PREPL: variants seen among roughly 807,000 people sequenced by gnomAD.
PREPL encodes prolyl endopeptidase-like.
Under a neutral mutation model 70.6 loss-of-function variants are expected in PREPL, and 77 were observed. The ratio of observed to expected loss-of-function variants is 1.09; its 90% CI spans 0.91 to 1.32. The LOEUF is 1.32. Among genes scored for constraint, PREPL ranks in the 40% most tolerant of loss-of-function variants. The pLI is 0.00. For missense variants in PREPL, 1,002 were observed against 778.2 expected, an observed-to-expected ratio of 1.29 and a Z score of -3.42; for synonymous variants, 315 against 264.8, an observed-to-expected ratio of 1.19 and a Z score of -1.84.
chr2:44,352,785 AT>A (rs1182615071), intron 1 of PREPL, among the ~76,000 whole-genome samples: 3 of 152,244 alleles, frequency 2.0e-5, no homozygotes, highest in African/African-American at 7.2e-5. Flanking sequence ...AGTGAAAAAA[AT>A]AATAATAGAA....
chr2:44,326,097 G>C (rs1441471959), intron 10 of PREPL, among the ~76,000 whole-genome samples: 1 of 152,182 alleles, frequency 6.6e-6, no homozygotes, highest in African/African-American at 2.4e-5. Context: ...GTCACAGCGT[G>C]CTTTGCCTGG....
chr2:44,324,464 C>T (rs905094626), intron 10 of PREPL, among the ~76,000 whole-genome samples: 2 of 151,980 alleles, frequency 1.3e-5, no homozygotes, highest in African/African-American at 4.8e-5. Flanking sequence ...GTCTTTTTGA[C>T]CAGTTGGACA....
At chr2:44,330,114 T>G (rs1673943634) in intron 8 of PREPL, among the ~76,000 whole-genome samples, 1 of 152,232 alleles carries the variant, frequency 6.6e-6, no homozygotes, top group Admixed American at 6.5e-5. Flanking sequence ...TTTAGTAAGA[T>G]TCACTTTTAT....
chr2:44,359,760 C>T (rs778460533), intron 1 of PREPL: 1 of 1,357,816 alleles, frequency 7.4e-7, no homozygotes, highest in East Asian at 2.3e-5. Context: ...GCTGCCAGCA[C>T]ACGAATGATT....
Position 44,343,976 on chromosome 2 carries a change from G to A in PREPL, c.143-25C>T, listed in dbSNP as rs764223337. The A allele has an allele frequency of 2.5e-6, 4 of 1,605,858 alleles. No individual in the cohort carries two copies. The Admixed American group carries it at 5.1e-5, about 21-fold the overall frequency. On this transcript the variant is annotated intron_variant, in intron 3 of 13. Coordinates refer to ENST00000409411, the MANE Select transcript of PREPL (RefSeq NM_001171613.2). ...GCTGTATAAAGAAAAATACGAAAGT[G>A]ATAACTTCAAAGGATGTACTTTAAA... is the stretch of plus-strand genomic sequence containing the variant.
intron 1 of PREPL, among the ~76,000 whole-genome samples, chr2:44,355,805 G>C (rs1676980812): frequency 2.0e-5 from 3 of 149,730 alleles, no homozygotes; most frequent in Admixed American, 6.7e-5. Context: ...ATGAATATGA[G>C]ACTATTGCAG....
At chr2:44,326,649 T>TA (rs1360891509) in intron 10 of PREPL, 63 bp downstream of exon 10, 19 of 1,527,520 alleles carry the variant, frequency 1.2e-5, no homozygotes, top group Non-Finnish European at 1.5e-5. Flanking sequence ...ACATTTTTCT[T>TA]AGAGTAGCCT....
chr2:44,360,182 T>A (rs551722940), intron 1 of PREPL: 2 of 152,460 alleles, frequency 1.3e-5, no homozygotes, highest in Non-Finnish European at 2.9e-5. Context: ...TTGGTATATA[T>A]GTGGAAGATA....
intron 5 of PREPL, among the ~76,000 whole-genome samples, chr2:44,340,782 G>T (rs1419724823): frequency 2.0e-5 from 3 of 152,024 alleles, no homozygotes; most frequent in Admixed American, 6.6e-5. Flanking sequence ...ACAAAAATTA[G>T]CCAGGCATGG....
chr2:44,342,589 C>T (rs749381622), intron 4 of PREPL, 37 bp from the exon 5 acceptor site: 6 of 1,355,354 alleles, frequency 4.4e-6, no homozygotes, highest in Non-Finnish European at 5.9e-6. Flanking sequence ...ACATAATCAC[C>T]TACACTCCAT....
intron 5 of PREPL, among the ~76,000 whole-genome samples, chr2:44,341,492 A>G (rs1006861171): frequency 6.6e-6 from 1 of 152,054 alleles, no homozygotes; most frequent in Non-Finnish European, 1.5e-5. Context: ...CTGTTTTTAT[A>G]TATTTTTGTT....
chr2:44,352,350 G>T (rs1205752761), intron 1 of PREPL, among the ~76,000 whole-genome samples: 1 of 151,900 alleles, frequency 6.6e-6, no homozygotes, highest in Non-Finnish European at 1.5e-5. Flanking sequence ...TGCAACCTCT[G>T]CCTCCTGGGC....
intron 7 of PREPL, among the ~76,000 whole-genome samples, chr2:44,333,600 C>T (rs527565405): frequency 2.8e-4 from 42 of 149,190 alleles, no homozygotes; most frequent in African/African-American, 1.0e-3. Context: ...CCAGAGTTTA[C>T]GTTCTCTGAG....
chr2:44,321,576 C>CGAGAGG, intron 13 of PREPL, 131 bp from the exon 14 acceptor site: 4 of 1,494,974 alleles, frequency 2.7e-6, no homozygotes, highest in Non-Finnish European at 3.6e-6. Flanking sequence ...TACTTTCATT[C>CGAGAGG]GAGAGAGAGG....
At chr2:44,356,004 T>C (rs1572578918) in intron 1 of PREPL, among the ~76,000 whole-genome samples, 2 of 152,254 alleles carry the variant, frequency 1.3e-5, no homozygotes, top group East Asian at 3.9e-4. Context: ...GATATCTGGA[T>C]GGATGGATGC....
In PREPL at chr2:44,321,869, A is replaced by C. The variant is rs765725426; in HGVS notation, c.1785T>G (p.Ile595Met). 6.2e-7 allele frequency: 1 copy of C among 1,613,626 alleles called. No individual in the cohort carries two copies. The highest frequency in any genetic ancestry group is 1.7e-5 in the Admixed American group (1 of 60,000). ...GYQTPNIILDIQPGGNHVIED... is the reference protein window; with the variant it reads ...GYQTPNIILDMQPGGNHVIED... ...CAATTACATGATTGCCTCCAGGCTGAATATCTAGAATAATATTAGGGGTCT... is the reference window on the plus strand; with the variant it reads ...CAATTACATGATTGCCTCCAGGCTGCATATCTAGAATAATATTAGGGGTCT... The change falls in exon 13 of 14, where the codon ATT (isoleucine) becomes ATG (methionine). Residue 595 changes from isoleucine (I) to methionine (M), a missense_variant. Physicochemically the swap from Ile to Met is conservative, Grantham distance 10 (BLOSUM62 1). Coordinates refer to ENST00000409411, the MANE Select transcript of PREPL (RefSeq NM_001171613.2).
intron 1 of PREPL, 77 bp from the exon 2 acceptor site, chr2:44,346,467 C>A: frequency 1.5e-6 from 2 of 1,336,692 alleles, no homozygotes; most frequent in South Asian, 2.5e-5. Context: ...ATAAGTAGGT[C>A]TATACCGTAG....
At chr2:44,328,438 C>CAAAAAAAAAAA (rs1194898905) in intron 9 of PREPL, among the ~76,000 whole-genome samples, 1 of 61,192 alleles carries the variant, frequency 1.6e-5, no homozygotes, top group African/African-American at 6.4e-5. Context: ...CTGTCTCAAA[C>CAAAAAAAAAAA]AAAAAAAAAA....
At position 44,320,736 on chromosome 2, in the gene PREPL, T is replaced by A; in HGVS notation, c.*620A>T. 2.1e-6 allele frequency: 2 copies of A among 943,258 alleles called. No homozygotes were observed. Among genetic ancestry groups the A allele is most frequent in the Admixed American group, 1.8e-5 (1 of 54,904 alleles). The allele number at this position is 943,258 out of a possible 1,614,324, so 58.4% of individuals were successfully genotyped here. A position where few individuals can be genotyped will look rare whatever the true frequency, so the allele number is the denominator to read the frequency against. ...AGCATGCTGCTTGGTGAACAATCAT[T>A]AATTCTTCGATATTTCTGTAGCTTG... On this transcript the variant is annotated 3_prime_UTR_variant, in exon 14 of 14. Transcript: ENST00000409411.
Sources: allele counts gnomAD v4.1 joint callset (sites outside exome capture counted in the v4.1 genomes callset), GRCh38; gene constraint gnomAD v4.1.1; transcripts MANE v1.5; gene names NCBI Gene and HGNC (gene_info 2026-07-23, HGNC 2026-07-21).